Variants in TEK observed in about 807,000 individuals in gnomAD.
TEK encodes the protein angiopoietin-1 receptor.
In TEK, 43 loss-of-function variants were observed where a neutral mutation model predicts 131.8. The ratio of observed to expected loss-of-function variants is 0.33; its 90% CI spans 0.26 to 0.42. The LOEUF is 0.42. TEK is among the 10% of genes least tolerant of loss of function. TEK has a pLI of 1.00. For missense variants in TEK, 1,162 were observed against 1,384.4 expected (o/e 0.84, Z 2.55); for synonymous variants, 580 against 491.6 (o/e 1.18, Z -2.38).
At chr9:27,131,261 C>A (rs1016033162) in intron 1 of TEK, among the ~76,000 whole-genome samples, 1 of 151,860 alleles carries the variant, frequency 6.6e-6, no homozygotes, top group Non-Finnish European at 1.5e-5. Flanking sequence ...GCTGGCAGAT[C>A]ACTTAAGGTC....
At chr9:27,147,205 C>T (rs1822960469) in intron 1 of TEK, among the ~76,000 whole-genome samples, 1 of 152,132 alleles carries the variant, frequency 6.6e-6, no homozygotes, top group Non-Finnish European at 1.5e-5. Flanking sequence ...ATTGCAGTTC[C>T]TACACATTCT....
chr9:27,114,676 T>C (rs567280213), intron 1 of TEK, among the ~76,000 whole-genome samples: 2 of 152,338 alleles, frequency 1.3e-5, no homozygotes, highest in South Asian at 4.1e-4. Flanking sequence ...ATCTTGTAAA[T>C]GATATTCACT....
intron 1 of TEK, among the ~76,000 whole-genome samples, chr9:27,138,863 G>C (rs1321222313): frequency 6.6e-6 from 1 of 152,164 alleles, no homozygotes; most frequent in African/African-American, 2.4e-5. Context: ...AATCCCCTGT[G>C]TGTACCAAGG....
chr9:27,146,874 T>C (rs923744444), intron 1 of TEK, among the ~76,000 whole-genome samples: 17 of 151,786 alleles, frequency 1.1e-4, no homozygotes, highest in Admixed American at 2.0e-4. Context: ...GGACTACAGG[T>C]GCCCACCACC....
intron 2 of TEK, among the ~76,000 whole-genome samples, chr9:27,165,607 T>C (rs1015069040): frequency 2.6e-5 from 4 of 152,228 alleles, no homozygotes; most frequent in African/African-American, 9.6e-5. Context: ...GGGCTTAGCC[T>C]ACATCACTTA....
Position 27,172,644 on chromosome 9 carries a change from A to G in TEK, c.657A>G (p.Glu219=). ...GTGAAGCCCAGAAGTGGGGACCTGA[A>G]TGCAACCATCTCTGTACTGCTTGTA... The part of the protein sequence containing the change: ...RRCEAQKWGP[E]CNHLCTACMN... The change falls in exon 5 of 23, where the codon GAA becomes GAG. Residue 219 remains glutamate, a synonymous_variant. Coordinates refer to ENST00000380036, the MANE Select transcript of TEK (RefSeq NM_000459.5). 2 of 1,613,764 alleles carry G rather than the reference A, an allele frequency of 1.2e-6. No homozygotes were observed. The highest frequency in any genetic ancestry group is 1.3e-5 in the African/African-American group (1 of 75,044).
At chr9:27,219,352 C>G (rs1286049635) in intron 20 of TEK, among the ~76,000 whole-genome samples, 1 of 152,130 alleles carries the variant, frequency 6.6e-6, no homozygotes, top group Non-Finnish European at 1.5e-5. Context: ...ATGGATGAAG[C>G]TAGAAACCAT....
At chr9:27,221,436 C>T (rs991099630) in intron 21 of TEK, among the ~76,000 whole-genome samples, 1 of 152,296 alleles carries the variant, frequency 6.6e-6, no homozygotes, top group East Asian at 1.9e-4. Flanking sequence ...GGACAGACTG[C>T]CTCCTCATGT....
At chr9:27,135,667 C>A (rs570275394) in intron 1 of TEK, among the ~76,000 whole-genome samples, 1 of 152,148 alleles carries the variant, frequency 6.6e-6, no homozygotes, top group African/African-American at 2.4e-5. Context: ...ATCTGAGGCA[C>A]AGAGGCTAAA....
intron 1 of TEK, among the ~76,000 whole-genome samples, chr9:27,145,600 A>G (rs894105216): frequency 6.6e-6 from 1 of 152,246 alleles, no homozygotes; most frequent in Non-Finnish European, 1.5e-5. Flanking sequence ...CAGAACTTCA[A>G]GACCAAAGTT....
chr9:27,156,951 G>C (rs1184223574), intron 1 of TEK, among the ~76,000 whole-genome samples: 8 of 151,920 alleles, frequency 5.3e-5, no homozygotes. Flanking sequence ...GACTCTATCT[G>C]CTCATGTTAG....
chr9:27,225,596 G>A (rs953619557), intron 21 of TEK, among the ~76,000 whole-genome samples: 8 of 152,092 alleles, frequency 5.3e-5, no homozygotes, highest in African/African-American at 1.4e-4. Context: ...ACTCGAGATG[G>A]ATTAAAGACA....
At chr9:27,145,562 C>T (rs1158082803) in intron 1 of TEK, among the ~76,000 whole-genome samples, 3 of 152,232 alleles carry the variant, frequency 2.0e-5, no homozygotes, top group Non-Finnish European at 1.5e-5. Flanking sequence ...GAAGCTATCA[C>T]CCTGTTTTAC....
At chr9:27,214,807 A>G (rs1178511559) in intron 18 of TEK, among the ~76,000 whole-genome samples, 3 of 152,110 alleles carry the variant, frequency 2.0e-5, no homozygotes, top group Non-Finnish European at 2.9e-5. Context: ...ATGCTTATCA[A>G]CATCAACACT....
At chr9:27,142,220 A>G (rs1390500083) in intron 1 of TEK, among the ~76,000 whole-genome samples, 1 of 152,210 alleles carries the variant, frequency 6.6e-6, no homozygotes, top group Non-Finnish European at 1.5e-5. Flanking sequence ...AGTTGTTGAC[A>G]ATAACTTGGA....
chr9:27,142,807 C>A (rs920690262), intron 1 of TEK, among the ~76,000 whole-genome samples: 3 of 152,190 alleles, frequency 2.0e-5, no homozygotes, highest in African/African-American at 7.2e-5. Flanking sequence ...CTTATTTTGT[C>A]TAAGCCAGTT....
chr9:27,181,072 A>G (rs1157500512), intron 7 of TEK, among the ~76,000 whole-genome samples: 2 of 151,958 alleles, frequency 1.3e-5, no homozygotes, highest in African/African-American at 4.8e-5. Context: ...ATTTCTGACA[A>G]CCATTTATTT....
chr9:27,211,273 TAATA>T (rs200801520), intron 16 of TEK, among the ~76,000 whole-genome samples: 2,660 of 149,404 alleles, frequency 0.018, 28 homozygotes, highest in Non-Finnish European at 0.029. Flanking sequence ...TTATCTTTAT[TAATA>T]AATACATATT....
At chr9:27,209,289 A>T in intron 16 of TEK, 58 bp downstream of exon 16, 1 of 1,182,226 alleles carries the variant, frequency 8.5e-7, no homozygotes. Context: ...GACAAATTCC[A>T]TATGGATATA....
Sources: gnomAD v4.1 joint callset for allele counts (sites outside exome capture counted in the v4.1 genomes callset) on GRCh38, gnomAD v4.1.1 for gene constraint, MANE v1.5 for transcripts, NCBI Gene and HGNC (gene_info 2026-07-23, HGNC 2026-07-21) for gene names.